The following SNTG1 variants were observed in gnomAD, a reference collection of about 807,000 sequenced individuals.
SNTG1 encodes the protein gamma-1-syntrophin.
SNTG1 carries 39 observed loss-of-function variants against 74.7 expected under a neutral mutation model. The ratio of observed to expected loss-of-function variants is 0.52; its 90% confidence interval spans 0.40 to 0.68. The LOEUF is 0.68. SNTG1 is among the 30% of genes least tolerant of loss of function. The pLI, the probability that SNTG1 is intolerant of heterozygous loss-of-function variation, is 0.00. For missense variants in SNTG1, 685 were observed against 609.5 expected (o/e 1.12, Z -1.30); for synonymous variants, 254 against 217.1 (o/e 1.17, Z -1.49).
Position 50,280,221 on chromosome 8 carries a change from A to G in SNTG1, c.-28+107586A>G, listed in dbSNP as rs1404738819. ...AGTCCAGGACATGAGTTGGTGGATT[A>G]TCTCATAATTTGTTGAAGAGGCATT... On this transcript the variant is annotated intron_variant, in intron 2 of 18. Coordinates refer to ENST00000642720, the MANE Select transcript of SNTG1 (RefSeq NM_018967.5). Among the ~76,000 whole-genome samples, 5 of 152,218 alleles carry G rather than the reference A, an allele frequency of 3.3e-5. No individual in the cohort carries two copies. The East Asian group carries it at 9.6e-4, about 29-fold the overall frequency.
At chr8:50,628,436 G>A (rs1168420024) in intron 13 of SNTG1, among the ~76,000 whole-genome samples, 1 of 151,976 alleles carries the variant, frequency 6.6e-6, no homozygotes, top group Non-Finnish European at 1.5e-5. Flanking sequence ...TAATTGTTCT[G>A]ATCTTATTTA....
intron 1 of SNTG1, among the ~76,000 whole-genome samples, chr8:50,054,129 C>A (rs1321806469): frequency 1.3e-5 from 2 of 152,090 alleles, no homozygotes; most frequent in Non-Finnish European, 2.9e-5. Flanking sequence ...ATTCCCAAAT[C>A]TCCAATTTCA....
intron 18 of SNTG1, among the ~76,000 whole-genome samples, chr8:50,781,533 CT>C (rs1218651772): frequency 1.3e-5 from 2 of 151,964 alleles, no homozygotes; most frequent in Non-Finnish European, 2.9e-5. Flanking sequence ...CAACTGCTGC[CT>C]TTTTTTGTTT....
At chr8:49,980,199 A>ATG (rs1395918659) in intron 1 of SNTG1, among the ~76,000 whole-genome samples, 1 of 152,142 alleles carries the variant, frequency 6.6e-6, no homozygotes, top group African/African-American at 2.4e-5. Context: ...CCTGGCAGCC[A>ATG]CTATTCTACT....
intron 9 of SNTG1, among the ~76,000 whole-genome samples, chr8:50,515,972 G>T (rs2094130407): frequency 6.6e-6 from 1 of 152,146 alleles, no homozygotes; most frequent in African/African-American, 2.4e-5. Flanking sequence ...TCCTCAAGTG[G>T]GTCCCTAACC....
chr8:50,699,914 CTTAT>C (rs2095417817), intron 15 of SNTG1, among the ~76,000 whole-genome samples: 1 of 152,080 alleles, frequency 6.6e-6, no homozygotes, highest in Non-Finnish European at 1.5e-5. Flanking sequence ...AATATAGTAT[CTTAT>C]TTAATCATCA....
intron 2 of SNTG1, among the ~76,000 whole-genome samples, chr8:50,326,471 G>A (rs190455035): frequency 3.4e-4 from 52 of 151,960 alleles, no homozygotes; most frequent in African/African-American, 1.2e-3. Context: ...CAAATTTGTG[G>A]GCAGAGAGTT....
chr8:50,120,295 A>G (rs1031475651), intron 1 of SNTG1, among the ~76,000 whole-genome samples: 1 of 140,504 alleles, frequency 7.1e-6, no homozygotes, highest in Non-Finnish European at 1.6e-5. Context: ...TGTCACTACT[A>G]TCATCACTAC....
chr8:50,114,401 G>T (rs1273374071), intron 1 of SNTG1, among the ~76,000 whole-genome samples: 1 of 152,112 alleles, frequency 6.6e-6, no homozygotes, highest in African/African-American at 2.4e-5. Flanking sequence ...GGAGGACATT[G>T]TGCTAAATGA....
At chr8:50,129,453 A>G (rs1280828613) in intron 1 of SNTG1, among the ~76,000 whole-genome samples, 2 of 152,146 alleles carry the variant, frequency 1.3e-5, no homozygotes, top group Non-Finnish European at 2.9e-5. Context: ...TATAATTCAT[A>G]AAAAACATCA....
At chr8:50,665,408 TTGTG>T (rs144086828) in intron 15 of SNTG1, among the ~76,000 whole-genome samples, 3 of 148,920 alleles carry the variant, frequency 2.0e-5, no homozygotes, top group Non-Finnish European at 4.5e-5. Flanking sequence ...TAGTGTGTGT[TTGTG>T]TGTGTGTGTG....
intron 16 of SNTG1, chr8:50,707,998 C>T (rs907000961): frequency 4.1e-5 from 14 of 342,574 alleles, no homozygotes; most frequent in South Asian, 3.1e-4. Flanking sequence ...GTCAGGCGTT[C>T]GAGACCAGCC....
chr8:50,248,268 T>A (rs2086489917), intron 2 of SNTG1, among the ~76,000 whole-genome samples: 1 of 152,182 alleles, frequency 6.6e-6, no homozygotes, highest in Admixed American at 6.5e-5. Context: ...TTTAAAAGCA[T>A]AGCCCCCAAA....
In SNTG1 at chr8:50,527,242, G is replaced by A. The variant is rs75393903; in HGVS notation, c.467-2935G>A. ...ATTTTTAAAAATATTATCTATATAA[G>A]CCTTTTGCCAGTGATATAAATTACG... On this transcript the variant is annotated intron_variant, in intron 9 of 18. Coordinates refer to ENST00000642720, the MANE Select transcript of SNTG1 (RefSeq NM_018967.5). 3.0e-3 allele frequency among the ~76,000 whole-genome samples: 452 copies of A among 152,004 alleles called. 15 individuals carry two copies. The East Asian group carries it at 0.078, about 26-fold the overall frequency.
At chr8:50,318,111 C>G (rs1306808031) in intron 2 of SNTG1, among the ~76,000 whole-genome samples, 1 of 152,068 alleles carries the variant, frequency 6.6e-6, no homozygotes, top group Non-Finnish European at 1.5e-5. Flanking sequence ...GCTGGGATTA[C>G]AGGCGTGAGC....
At chr8:50,011,860 T>C (rs903544117) in intron 1 of SNTG1, 5 of 152,200 alleles carry the variant, frequency 3.3e-5, no homozygotes, top group African/African-American at 1.2e-4. Context: ...CTTCACAGGT[T>C]GTATGTTCTG....
At chr8:50,371,606 C>T (rs2092269765) in intron 2 of SNTG1, among the ~76,000 whole-genome samples, 1 of 152,150 alleles carries the variant, frequency 6.6e-6, no homozygotes, top group African/African-American at 2.4e-5. Context: ...GTCTCACTGA[C>T]CTACCACTAC....
chr8:50,403,193 A>G (rs1169279030), intron 4 of SNTG1, among the ~76,000 whole-genome samples: 1 of 152,208 alleles, frequency 6.6e-6, no homozygotes, highest in Non-Finnish European at 1.5e-5. Flanking sequence ...ACTATTTAGC[A>G]TGGAGATTTA....
rs758423940 is a variant in SNTG1, at chr8:50,340,306, CTATCT to C, written c.-27-53898_-27-53894del. Among the ~76,000 whole-genome samples, 57 of 152,062 alleles carry C rather than the reference CTATCT, an allele frequency of 3.7e-4. 1 individual carries two copies. Among genetic ancestry groups the C allele is most frequent in the Non-Finnish European group, 6.2e-4 (42 of 67,852 alleles). On this transcript the variant is annotated intron_variant, in intron 2 of 18. Transcript: ENST00000642720. The stretch of plus-strand genomic sequence containing the variant: ...AAACAGAAGAGCTGAAGAACTGACA[CTATCT>C]TATCTTAAGAGTTTCTATAAAGCTA...
Sources: gnomAD v4.1 joint callset for allele counts (sites outside exome capture counted in the v4.1 genomes callset) on GRCh38, gnomAD v4.1.1 for gene constraint, MANE v1.5 for transcripts, NCBI Gene and HGNC (gene_info 2026-07-23, HGNC 2026-07-21) for gene names.